The following ARL3 variants were observed in gnomAD, a reference collection of about 807,000 sequenced individuals.
ARL3 encodes ADP-ribosylation factor-like protein 3.
In ARL3, 9 loss-of-function variants were observed where a neutral mutation model predicts 26.0. That is an observed-to-expected ratio of 0.35 (90% CI 0.21 to 0.60). ARL3 has a LOEUF of 0.60. ARL3 is among the 20% of genes least tolerant of loss of function. The probability of loss-of-function intolerance (pLI) is 0.78; values close to 1 mark genes in which losing one functional copy is unlikely to be tolerated. For synonymous variants in ARL3, 71 were observed against 78.4 expected (o/e 0.91, Z 0.50); for missense variants, 158 against 215.7 (o/e 0.73, Z 1.67).
intron 3 of ARL3, among the ~76,000 whole-genome samples, chr10:102,690,869 CT>C (rs113016476): frequency 0.017 from 2,567 of 149,808 alleles, 67 homozygotes; most frequent in African/African-American, 0.06. Context: ...AGGAGTTACT[CT>C]TAGTCTTTCA....
chr10:102,713,044 C>T (rs1259514221), intron 1 of ARL3, among the ~76,000 whole-genome samples: 1 of 148,282 alleles, frequency 6.7e-6, no homozygotes, highest in African/African-American at 2.5e-5. Flanking sequence ...TCTGACCAAA[C>T]ATACATCTAT....
chr10:102,678,583 T>C (rs193056867), intron 5 of ARL3, among the ~76,000 whole-genome samples: 1 of 152,190 alleles, frequency 6.6e-6, no homozygotes, highest in East Asian at 1.9e-4. Context: ...ACCTCAACAC[T>C]CTCTCCTCTA....
chr10:102,677,574 C>T (rs887012021), intron 5 of ARL3, among the ~76,000 whole-genome samples: 4 of 152,186 alleles, frequency 2.6e-5, no homozygotes, highest in African/African-American at 9.7e-5. Flanking sequence ...GCACAATGAC[C>T]TTGAAAGCGC....
intron 5 of ARL3, among the ~76,000 whole-genome samples, chr10:102,683,287 T>C (rs757331622): frequency 6.6e-6 from 1 of 152,164 alleles, no homozygotes; most frequent in Admixed American, 6.5e-5. Flanking sequence ...GAAAGGACAA[T>C]AGACAGCAGA....
Position 102,675,946 on chromosome 10 carries a change from T to TA in ARL3, c.*947dup, listed in dbSNP as rs915079553. On this transcript the variant is annotated 3_prime_UTR_variant, in exon 6 of 6. Transcript: ENST00000260746. Reference sequence around the variant, plus strand: ...ATAGCAGCGGCCTATTGTGATCGTTTAAACACAGAATTCTTTGAGCTTTAG... The same window carrying TA: ...ATAGCAGCGGCCTATTGTGATCGTTTAAAACACAGAATTCTTTGAGCTTTAG... The TA allele has an allele frequency of 3.1e-4, 48 of 152,726 alleles. No individual in the cohort carries two copies. The highest frequency in any genetic ancestry group is 1.1e-3 in the African/African-American group (46 of 41,564). 9.5% of individuals were successfully genotyped at this position (152,726 alleles called of 1,614,324 possible).
intron 3 of ARL3, among the ~76,000 whole-genome samples, chr10:102,695,305 T>C (rs1306874101): frequency 6.6e-6 from 1 of 152,192 alleles, no homozygotes; most frequent in Non-Finnish European, 1.5e-5. Context: ...CTTTATGAGT[T>C]TTGCAGGTTT....
rs532717608 is a variant in ARL3 at position 102,676,761 on chromosome 10, C to T, written c.*133G>A. ...GCTGGAATGGGGATTCTTTCTAAAC[C>T]GTGTTGTTCCCTCTCTTCAAACAGC... On this transcript the variant is annotated 3_prime_UTR_variant, in exon 6 of 6. Transcript: ENST00000260746. The T allele has an allele frequency of 3.3e-5, 28 of 844,948 alleles. No individual in the cohort carries two copies. The highest frequency in any genetic ancestry group is 2.3e-4 in the Admixed American group (11 of 47,270). The allele number at this position is 844,948 out of a possible 1,614,324, so 52.3% of individuals were successfully genotyped here. A position where few individuals can be genotyped will look rare whatever the true frequency, so the allele number is the denominator to read the frequency against.
chr10:102,702,598 G>A (rs984428907), intron 2 of ARL3, among the ~76,000 whole-genome samples: 1 of 151,986 alleles, frequency 6.6e-6, no homozygotes, highest in African/African-American at 2.4e-5. Context: ...AAGTCTTCAC[G>A]TTAGTGTTCT....
At chr10:102,677,402 AAAAC>A (rs1468123959) in intron 5 of ARL3, among the ~76,000 whole-genome samples, 5 of 152,322 alleles carry the variant, frequency 3.3e-5, no homozygotes, top group African/African-American at 1.2e-4. Flanking sequence ...TCTTTTTGGA[AAAAC>A]AAACCTACTG....
At chr10:102,686,023 G>T (rs2064182607) in intron 4 of ARL3, 22 bp from the exon 5 acceptor site, 1 of 1,600,210 alleles carries the variant, frequency 6.2e-7, no homozygotes, top group African/African-American at 1.3e-5. Context: ...GAAGGGAGAG[G>T]GAGGGAAGGT....
At chr10:102,687,296 C>A (rs11814408) in intron 4 of ARL3, among the ~76,000 whole-genome samples, 1 of 151,726 alleles carries the variant, frequency 6.6e-6, no homozygotes, top group Non-Finnish European at 1.5e-5. Flanking sequence ...TGCAGTGGTG[C>A]GATCACAGCT....
In ARL3 at chr10:102,685,797, A is replaced by C; in HGVS notation, c.501+19T>G. The C allele has an allele frequency of 1.3e-6, 2 of 1,584,034 alleles. No individual in the cohort carries two copies. The highest frequency in any genetic ancestry group is 1.2e-5 in the South Asian group (1 of 86,934). ...TAGCTGTCATGTTGCCAGGTGGCCA[A>C]GCCTTCCTGTAATCTCACCTGAACG... On this transcript the variant is annotated intron_variant, in intron 5 of 5. Coordinates refer to ENST00000260746, the MANE Select transcript of ARL3 (RefSeq NM_004311.4).
intron 4 of ARL3, among the ~76,000 whole-genome samples, chr10:102,688,134 T>C (rs549103703): frequency 3.3e-4 from 50 of 152,350 alleles, no homozygotes; most frequent in Admixed American, 2.7e-3. Context: ...CTAAACTATA[T>C]GTGATTTTGT....
At chr10:102,684,132 T>G (rs1004216816) in intron 5 of ARL3, among the ~76,000 whole-genome samples, 11 of 152,270 alleles carry the variant, frequency 7.2e-5, no homozygotes, top group African/African-American at 2.6e-4. Flanking sequence ...AACCTCAAGA[T>G]GCTCTCAGCT....
chr10:102,698,740 CTCCCTGAGTCAGGGTA>C (rs1246128261), intron 3 of ARL3, among the ~76,000 whole-genome samples: 1 of 152,190 alleles, frequency 6.6e-6, no homozygotes, highest in African/African-American at 2.4e-5. Context: ...TGAATGAACG[CTCCCTGAGTCAGGGTA>C]TTCCCAATGC....
At chr10:102,709,646 C>CAA (rs10555496) in intron 1 of ARL3, among the ~76,000 whole-genome samples, 4 of 85,246 alleles carry the variant, frequency 4.7e-5, no homozygotes, top group Admixed American at 1.3e-4. Flanking sequence ...GACTCTGTCT[C>CAA]AAAAAAAAAA....
chr10:102,705,245 A>C, intron 2 of ARL3, 101 bp downstream of exon 2: 1 of 1,373,182 alleles, frequency 7.3e-7, no homozygotes, highest in Non-Finnish European at 9.6e-7. Flanking sequence ...CTCAGAGACA[A>C]AACTTGGAAG....
chr10:102,685,768 C>A, intron 5 of ARL3, 48 bp downstream of exon 5: 1 of 1,532,306 alleles, frequency 6.5e-7, no homozygotes, highest in South Asian at 1.3e-5. Context: ...CAGACCACCT[C>A]GGTTAGCTGT....
intron 3 of ARL3, among the ~76,000 whole-genome samples, chr10:102,691,229 G>A (rs540839486): frequency 9.9e-5 from 15 of 151,068 alleles, no homozygotes; most frequent in South Asian, 2.1e-4. Flanking sequence ...CCACTAACTC[G>A]TCATCTAGCA....
Sources: allele counts gnomAD v4.1 joint callset (sites outside exome capture counted in the v4.1 genomes callset), GRCh38; gene constraint gnomAD v4.1.1; transcripts MANE v1.5; gene names NCBI Gene and HGNC (gene_info 2026-07-23, HGNC 2026-07-21).